HS6ST3: variants seen among roughly 807,000 people sequenced by gnomAD.
HS6ST3 encodes heparan sulfate 6-O-sulfotransferase 3, also known as heparan-sulfate 6-O-sulfotransferase 3.
A neutral mutation model predicts 36.7 loss-of-function variants in HS6ST3; 12 were observed. The observed-to-expected ratio is 0.33, with a 90% CI of 0.21 to 0.53. HS6ST3 has a LOEUF of 0.53. HS6ST3 is among the 20% of genes least tolerant of loss of function. The pLI is 0.95. For missense variants in HS6ST3, 584 were observed against 640.9 expected (o/e 0.91, Z 0.96); for synonymous variants, 240 against 257.5 (o/e 0.93, Z 0.65).
chr13:96,752,149 G>A (rs899290692), intron 1 of HS6ST3, among the ~76,000 whole-genome samples: 14 of 151,504 alleles, frequency 9.2e-5, no homozygotes, highest in Admixed American at 4.6e-4. Context: ...TTTATATAAC[G>A]GTATCACAAT....
At chr13:96,453,873 G>A (rs571683983) in intron 1 of HS6ST3, among the ~76,000 whole-genome samples, 14 of 152,266 alleles carry the variant, frequency 9.2e-5, no homozygotes, top group African/African-American at 3.1e-4. Flanking sequence ...AGAGAGTCAA[G>A]TTTGATCAAA....
intron 1 of HS6ST3, among the ~76,000 whole-genome samples, chr13:96,172,486 T>A (rs1431478946): frequency 6.6e-6 from 1 of 152,226 alleles, no homozygotes; most frequent in Non-Finnish European, 1.5e-5. Flanking sequence ...ATTACTTTCC[T>A]GTTACTTACT....
intron 1 of HS6ST3, among the ~76,000 whole-genome samples, chr13:96,809,866 T>A (rs547249443): frequency 3.9e-5 from 6 of 152,328 alleles, no homozygotes; most frequent in African/African-American, 1.4e-4. Flanking sequence ...CCTTCCTCCC[T>A]GAGGCTTATG....
intron 1 of HS6ST3, among the ~76,000 whole-genome samples, chr13:96,381,819 A>T (rs1001002019): frequency 1.3e-5 from 2 of 152,050 alleles, no homozygotes; most frequent in Non-Finnish European, 2.9e-5. Flanking sequence ...CCCGCCCTAG[A>T]GTTACGGGGA....
chr13:96,191,016 G>A (rs905787190), intron 1 of HS6ST3, among the ~76,000 whole-genome samples: 1 of 152,160 alleles, frequency 6.6e-6, no homozygotes, highest in African/African-American at 2.4e-5. Flanking sequence ...GAAGCTGTTC[G>A]TGTGGCTCCA....
intron 1 of HS6ST3, among the ~76,000 whole-genome samples, chr13:96,800,013 T>TGTATATATATATATAC (rs1878029226): frequency 7.2e-6 from 1 of 139,552 alleles, no homozygotes; most frequent in South Asian, 2.3e-4. Flanking sequence ...TATATATATA[T>TGTATATATATATATAC]GTATATATAT....
chr13:96,290,456 A>G (rs984739800), intron 1 of HS6ST3, among the ~76,000 whole-genome samples: 2 of 152,110 alleles, frequency 1.3e-5, no homozygotes, highest in Non-Finnish European at 2.9e-5. Flanking sequence ...GTGAGTGACC[A>G]CCTCGGTAGA....
At chr13:96,553,984 G>A (rs1278729287) in intron 1 of HS6ST3, among the ~76,000 whole-genome samples, 1 of 152,188 alleles carries the variant, frequency 6.6e-6, no homozygotes, top group African/African-American at 2.4e-5. Flanking sequence ...CTGTGTGCGT[G>A]CGTGCGTGCA....
intron 1 of HS6ST3, among the ~76,000 whole-genome samples, chr13:96,406,058 A>C (rs2055476738): frequency 6.6e-6 from 1 of 152,214 alleles, no homozygotes; most frequent in Non-Finnish European, 1.5e-5. Flanking sequence ...TGAAATTTGT[A>C]ATCTTTTTAT....
At chr13:96,799,246 G>C (rs550715628) in intron 1 of HS6ST3, among the ~76,000 whole-genome samples, 417 of 152,068 alleles carry the variant, frequency 2.7e-3, no homozygotes, top group African/African-American at 9.4e-3. Flanking sequence ...AAGTGTTCCT[G>C]TTTCTCCACA....
intron 1 of HS6ST3, among the ~76,000 whole-genome samples, chr13:96,756,213 CT>C (rs2138496278): frequency 6.6e-6 from 1 of 152,074 alleles, no homozygotes; most frequent in East Asian, 1.9e-4. Flanking sequence ...TAATTGTTTT[CT>C]TTTTTGTTAA....
intron 1 of HS6ST3, among the ~76,000 whole-genome samples, chr13:96,309,977 A>G (rs990425095): frequency 3.3e-5 from 5 of 152,142 alleles, no homozygotes; most frequent in Admixed American, 2.0e-4. Context: ...AATGAAATAC[A>G]TTTATAAATG....
intron 1 of HS6ST3, among the ~76,000 whole-genome samples, chr13:96,618,979 G>A (rs916985199): frequency 2.6e-5 from 4 of 151,332 alleles, no homozygotes; most frequent in Admixed American, 1.3e-4. Context: ...CAAATATTTG[G>A]CAAGCAAAGA....
chr13:96,724,071 A>G (rs973386704), intron 1 of HS6ST3, among the ~76,000 whole-genome samples: 1 of 152,176 alleles, frequency 6.6e-6, no homozygotes, highest in Non-Finnish European at 1.5e-5. Context: ...TCGTCCCAGC[A>G]GGCTCCTCAG....
At chr13:96,574,610 AC>A (rs2056314121) in intron 1 of HS6ST3, 2 of 220,204 alleles carry the variant, frequency 9.1e-6, no homozygotes, top group Non-Finnish European at 1.9e-5. Context: ...CTATTACGGC[AC>A]CATTTTCAGC....
At chr13:96,457,204 G>A (rs2055758463) in intron 1 of HS6ST3, among the ~76,000 whole-genome samples, 1 of 152,054 alleles carries the variant, frequency 6.6e-6, no homozygotes, top group Admixed American at 6.6e-5. Context: ...GAAAATTTAT[G>A]TTACTTGAAT....
chr13:96,250,981 A>G (rs2139377303), intron 1 of HS6ST3, among the ~76,000 whole-genome samples: 1 of 152,250 alleles, frequency 6.6e-6, no homozygotes, highest in African/African-American at 2.4e-5. Context: ...GTACTGTTGA[A>G]CTTGGTTTTC....
Position 96,658,268 on chromosome 13 carries a change from C to CTTTTTTTTTTTTTTTTTTTTTTTTTTTTT in HS6ST3, c.708-174220_708-174192dup, listed in dbSNP as rs71213623. Among the ~76,000 whole-genome samples, 19 of 76,170 alleles carry CTTTTTTTTTTTTTTTTTTTTTTTTTTTTT rather than the reference C, an allele frequency of 2.5e-4. 1 individual carries two copies. Among genetic ancestry groups the CTTTTTTTTTTTTTTTTTTTTTTTTTTTTT allele is most frequent in the African/African-American group, 8.1e-4 (15 of 18,516 alleles). 50.0% of individuals were successfully genotyped at this position (76,170 alleles called of 152,430 possible). ...TTCTTCTTCTTCTTCTCTTCTTCTT[C>CTTTTTTTTTTTTTTTTTTTTTTTTTTTTT]TTTTTTTTTTTTTTTTTTTTTTTTT... On this transcript the variant is annotated intron_variant, in intron 1 of 1. Transcript: ENST00000376705.
At chr13:96,330,722 G>A (rs1480331742) in intron 1 of HS6ST3, among the ~76,000 whole-genome samples, 6 of 149,624 alleles carry the variant, frequency 4.0e-5, no homozygotes, top group East Asian at 3.9e-4. Context: ...GAATCTGAAC[G>A]TTGGCCTACC....
Sources: allele counts gnomAD v4.1 joint callset (sites outside exome capture counted in the v4.1 genomes callset), GRCh38; gene constraint gnomAD v4.1.1; transcripts MANE v1.5; gene names NCBI Gene and HGNC (gene_info 2026-07-23, HGNC 2026-07-21).